Variants in PLXDC2 observed in about 807,000 individuals in gnomAD.
PLXDC2 encodes plexin domain-containing protein 2.
In PLXDC2, 40 loss-of-function variants were observed where a neutral mutation model predicts 68.9. That is an observed-to-expected ratio of 0.58 (90% CI 0.45 to 0.76). PLXDC2 has a LOEUF of 0.76. Ranked by LOEUF, PLXDC2 falls within the 30% of genes least tolerant of loss-of-function variation. The pLI is 0.00. For missense variants in PLXDC2, 644 were observed against 661.9 expected (o/e 0.97, Z 0.30); for synonymous variants, 243 against 234.2 (o/e 1.04, Z -0.34).
chr10:20,143,294 G>T lies in PLXDC2; in HGVS notation c.542-1G>T. On this transcript the variant is annotated splice_acceptor_variant, in intron 4 of 13. Coordinates refer to ENST00000377252, the MANE Select transcript of PLXDC2 (RefSeq NM_032812.9). LOFTEE classifies it high-confidence loss of function. Reference sequence around the variant, plus strand: ...TATGTTTCCTATTTTTCTAATTCTAGGTTTCATATACACTGGAGAAGTCGT... The same window carrying T: ...TATGTTTCCTATTTTTCTAATTCTATGTTTCATATACACTGGAGAAGTCGT... 1 of 1,601,346 alleles carries T rather than the reference G, an allele frequency of 6.2e-7. No individual in the cohort carries two copies.
At chr10:19,912,764 A>C (rs1433055140) in intron 1 of PLXDC2, among the ~76,000 whole-genome samples, 1 of 152,210 alleles carries the variant, frequency 6.6e-6, no homozygotes, top group Admixed American at 6.5e-5. Flanking sequence ...AATGACAACA[A>C]TTAAATATGA....
At chr10:20,076,645 GA>G (rs1289848040) in intron 4 of PLXDC2, among the ~76,000 whole-genome samples, 1 of 151,972 alleles carries the variant, frequency 6.6e-6, no homozygotes, top group African/African-American at 2.4e-5. Flanking sequence ...TTCCTTTGAT[GA>G]CCTCATTCAT....
chr10:19,987,639 G>A (rs1034501407), intron 1 of PLXDC2, among the ~76,000 whole-genome samples: 4 of 151,638 alleles, frequency 2.6e-5, no homozygotes, highest in Non-Finnish European at 5.9e-5. Context: ...TCGGCTCACT[G>A]CAAGCTCAGC....
intron 1 of PLXDC2, among the ~76,000 whole-genome samples, chr10:19,956,878 C>T (rs1229118648): frequency 6.6e-6 from 1 of 152,080 alleles, no homozygotes; most frequent in African/African-American, 2.4e-5. Flanking sequence ...GGTTACATGA[C>T]CATTTCTATT....
intron 4 of PLXDC2, among the ~76,000 whole-genome samples, chr10:20,115,313 G>T (rs1421990293): frequency 6.6e-6 from 1 of 152,162 alleles, no homozygotes; most frequent in Non-Finnish European, 1.5e-5. Flanking sequence ...TTTGCGAGAT[G>T]GTCTGGGCTG....
chr10:20,018,791 A>G (rs568393947), intron 2 of PLXDC2, among the ~76,000 whole-genome samples: 1 of 152,188 alleles, frequency 6.6e-6, no homozygotes, highest in Non-Finnish European at 1.5e-5. Context: ...TTGGCAAAAG[A>G]TTCAATTTTT....
intron 1 of PLXDC2, among the ~76,000 whole-genome samples, chr10:19,936,947 A>C (rs1833735400): frequency 6.6e-6 from 1 of 152,216 alleles, no homozygotes; most frequent in African/African-American, 2.4e-5. Flanking sequence ...AAAATATTCC[A>C]GATATTGGCA....
intron 1 of PLXDC2, among the ~76,000 whole-genome samples, chr10:19,994,833 C>T (rs1834815638): frequency 6.6e-6 from 1 of 151,864 alleles, no homozygotes; most frequent in African/African-American, 2.4e-5. Flanking sequence ...ACCTCCGCTT[C>T]CCGTGTTCGA....
intron 9 of PLXDC2, among the ~76,000 whole-genome samples, chr10:20,205,210 A>G (rs560511308): frequency 6.6e-6 from 1 of 152,212 alleles, no homozygotes; most frequent in African/African-American, 2.4e-5. Flanking sequence ...TATTTAATGG[A>G]ATTCTCTTAG....
intron 1 of PLXDC2, among the ~76,000 whole-genome samples, chr10:19,920,554 C>A (rs1006048264): frequency 1.3e-5 from 2 of 152,218 alleles, no homozygotes; most frequent in African/African-American, 4.8e-5. Context: ...CTGGGGCAGT[C>A]AGAGGAGAGG....
chr10:20,000,269 T>G (rs1056017929), intron 1 of PLXDC2, among the ~76,000 whole-genome samples: 136 of 77,410 alleles, frequency 1.8e-3, no homozygotes, highest in Admixed American at 6.8e-3. Flanking sequence ...TGTACATGAG[T>G]TTTTTTTTTT....
chr10:19,987,569 T>G (rs200133209), intron 1 of PLXDC2, among the ~76,000 whole-genome samples: 1 of 151,424 alleles, frequency 6.6e-6, no homozygotes, highest in South Asian at 2.1e-4. Context: ...TTTGTTTTTT[T>G]TTCTTTTTTT....
chr10:19,856,601 A>G (rs931196574), intron 1 of PLXDC2, among the ~76,000 whole-genome samples: 2 of 152,184 alleles, frequency 1.3e-5, no homozygotes, highest in African/African-American at 4.8e-5. Context: ...CTTTGTTCAG[A>G]GTTTTGATGC....
chr10:20,224,764 C>A lies in PLXDC2; in HGVS notation c.1312+5662C>A, dbSNP rs1051263225. 2.6e-5 allele frequency among the ~76,000 whole-genome samples: 4 copies of A among 152,066 alleles called. No homozygotes were observed. The East Asian group carries it at 7.7e-4, about 29-fold the overall frequency. ...GGTTAACTGAGATTTATCAAAATAC[C>A]AAAAACTGCATTATCTCTTGGTTCA... is the stretch of plus-strand genomic sequence containing the variant. On this transcript the variant is annotated intron_variant, in intron 12 of 13. Transcript: ENST00000377252.
intron 4 of PLXDC2, 126 bp from the exon 5 acceptor site, chr10:20,143,168 TC>T (rs1399559224): frequency 1.0e-5 from 10 of 954,256 alleles, no homozygotes; most frequent in Admixed American, 2.9e-5. Context: ...TTAAATATGT[TC>T]CTTTTTTTCC....
At chr10:19,911,776 G>A (rs902839844) in intron 1 of PLXDC2, among the ~76,000 whole-genome samples, 5 of 151,896 alleles carry the variant, frequency 3.3e-5, no homozygotes, top group African/African-American at 1.2e-4. Flanking sequence ...TCTATTTTTA[G>A]TTCATTAAAA....
chr10:20,171,036 A>G (rs1834440230), intron 7 of PLXDC2, among the ~76,000 whole-genome samples: 1 of 152,070 alleles, frequency 6.6e-6, no homozygotes, highest in African/African-American at 2.4e-5. Context: ...ATTATAACTA[A>G]TTTTTCCCAT....
intron 4 of PLXDC2, among the ~76,000 whole-genome samples, chr10:20,116,927 C>G: frequency 6.6e-6 from 1 of 151,334 alleles, no homozygotes; most frequent in East Asian, 1.9e-4. Context: ...TTTATTGTTT[C>G]TGTGTTAAAA....
intron 1 of PLXDC2, among the ~76,000 whole-genome samples, chr10:19,994,161 A>G (rs1834799453): frequency 6.6e-6 from 1 of 151,788 alleles, no homozygotes; most frequent in African/African-American, 2.4e-5. Flanking sequence ...TCATAAGTGT[A>G]GCTAAACATT....
Sources: gnomAD v4.1 joint callset for allele counts (sites outside exome capture counted in the v4.1 genomes callset) on GRCh38, gnomAD v4.1.1 for gene constraint, MANE v1.5 for transcripts, NCBI Gene and HGNC (gene_info 2026-07-23, HGNC 2026-07-21) for gene names.